Variants in ERICH2 observed in about 807,000 individuals in gnomAD.
ERICH2 encodes glutamate-rich protein 2.
ERICH2 carries 17 observed loss-of-function variants against 17.4 expected under a neutral mutation model. The ratio of observed to expected loss-of-function variants is 0.98; its 90% CI spans 0.67 to 1.47. The LOEUF is 1.47. Among genes scored for constraint, ERICH2 ranks in the 40% most tolerant of loss-of-function variants. ERICH2 has a pLI of 0.00. For missense variants in ERICH2, 186 were observed against 183.2 expected (o/e 1.01, Z -0.09); for synonymous variants, 51 against 61.1 (o/e 0.83, Z 0.77).
At chr2:170,789,166 T>C (rs1351417218) in intron 2 of ERICH2, among the ~76,000 whole-genome samples, 1 of 151,488 alleles carries the variant, frequency 6.6e-6, no homozygotes, top group East Asian at 1.9e-4. Context: ...GGTTTCACCA[T>C]GTTGGCCAGG....
intron 3 of ERICH2, among the ~76,000 whole-genome samples, chr2:170,797,670 C>T (rs907515519): frequency 2.0e-5 from 3 of 151,654 alleles, no homozygotes; most frequent in African/African-American, 7.3e-5. Flanking sequence ...TGGTGGCACA[C>T]ACCTGTAGCT....
chr2:170,772,227 TTTCTCCC>T, the ERICH2 span, among the ~76,000 whole-genome samples: 1 of 152,200 alleles, frequency 6.6e-6, no homozygotes, highest in Non-Finnish European at 1.5e-5. Flanking sequence ...TCCTCAGTGT[TTTCTCCC>T]TTCTTTGCCC....
chr2:170,785,215 T>C (rs1199092558), intron 2 of ERICH2, among the ~76,000 whole-genome samples: 1 of 152,136 alleles, frequency 6.6e-6, no homozygotes, highest in Non-Finnish European at 1.5e-5. Context: ...TATACAAGTA[T>C]CAAACATGTA....
chr2:170,794,777 A>G (rs945814685), intron 3 of ERICH2, among the ~76,000 whole-genome samples: 31 of 152,354 alleles, frequency 2.0e-4, no homozygotes, highest in South Asian at 1.5e-3. Flanking sequence ...ACAAGGATTG[A>G]GTGACGGTCT....
At chr2:170,797,987 G>T (rs1701470046) in intron 3 of ERICH2, 54 bp from the exon 9 acceptor site, 1 of 1,239,200 alleles carries the variant, frequency 8.1e-7, no homozygotes, top group African/African-American at 1.5e-5. Context: ...GAGCCTGTTT[G>T]CTGCAACACT....
intron 2 of ERICH2, among the ~76,000 whole-genome samples, chr2:170,787,988 G>A (rs1701195372): frequency 2.0e-5 from 3 of 152,148 alleles, no homozygotes; most frequent in South Asian, 2.1e-4. Context: ...CATCAGGGCC[G>A]AAAGCCTCAA....
At chr2:170,795,305 T>G (rs1158278737) in intron 3 of ERICH2, among the ~76,000 whole-genome samples, 2 of 151,978 alleles carry the variant, frequency 1.3e-5, no homozygotes, top group Non-Finnish European at 2.9e-5. Flanking sequence ...GGAATCCTGA[T>G]AGAATCATGT....
At chr2:170,797,000 G>A (rs547740719) in intron 3 of ERICH2, among the ~76,000 whole-genome samples, 1 of 152,204 alleles carries the variant, frequency 6.6e-6, no homozygotes, top group South Asian at 2.1e-4. Flanking sequence ...ATACTAACAA[G>A]CCTAAAAAAG....
In ERICH2 at chr2:170,796,428, G is replaced by GTTTTTTT. The variant is rs869301301; in HGVS notation, c.275-1608_275-1602dup. 1.1e-3 allele frequency among the ~76,000 whole-genome samples: 126 copies of GTTTTTTT among 114,462 alleles called. 7 individuals carry two copies. The highest frequency in any genetic ancestry group is 5.2e-3 in the Admixed American group (50 of 9,638). 75.1% of individuals were successfully genotyped at this position (114,462 alleles called of 152,430 possible). On this transcript the variant is annotated intron_variant, in intron 3 of 4. Transcript: ENST00000409885. ...AATGGTTATCTCTCTCTCTCTCTTT[G>GTTTTTTT]TTTTTTTTTTTGTTTTTTTTTTTTT... is the stretch of plus-strand genomic sequence containing the variant.
At chr2:170,786,724 A>G (rs1284468288) in intron 2 of ERICH2, among the ~76,000 whole-genome samples, 3 of 151,900 alleles carry the variant, frequency 2.0e-5, no homozygotes, top group South Asian at 2.1e-4. Flanking sequence ...ATCTATTGCT[A>G]TCTCTTCAGG....
chr2:170,784,733 C>A lies in ERICH2; in HGVS notation c.116C>A (p.Ser39Ter). The A allele has an allele frequency of 6.5e-7, 1 of 1,546,178 alleles. No individual in the cohort carries two copies. Among genetic ancestry groups the A allele is most frequent in the South Asian group, 1.2e-5 (1 of 83,218 alleles). The change falls in exon 2 of 5, where the codon TCA becomes TAA. Residue 39 changes from serine to a stop codon, truncating the protein, a stop_gained. Transcript: ENST00000409885. LOFTEE classifies it high-confidence loss of function. ...GATATTGATGATAAATTGTCAGAAT[C>A]AGCAGAGGATGATGGTGAAGATGAT...
the ERICH2 span, chr2:170,777,715 T>C: frequency 1.6e-5 from 19 of 1,218,410 alleles, no homozygotes; most frequent in Middle Eastern, 6.2e-4. Flanking sequence ...AGCTGATCTC[T>C]CCCATGCCTT....
chr2:170,774,170 C>A, the ERICH2 span, among the ~76,000 whole-genome samples: 1 of 152,180 alleles, frequency 6.6e-6, no homozygotes, highest in Non-Finnish European at 1.5e-5. Flanking sequence ...AGTCAGTGAT[C>A]TTTCTAAACA....
intron 3 of ERICH2, among the ~76,000 whole-genome samples, chr2:170,796,559 C>T (rs780103549): frequency 9.9e-5 from 15 of 151,806 alleles, no homozygotes; most frequent in Non-Finnish European, 1.5e-4. Context: ...CCTCGGCCTC[C>T]GAAGGAGCTG....
chr2:170,791,968 C>T (rs1460557766), intron 2 of ERICH2, among the ~76,000 whole-genome samples: 3 of 152,084 alleles, frequency 2.0e-5, no homozygotes, highest in Non-Finnish European at 4.4e-5. Context: ...CAGAATAAAA[C>T]TCATATACCT....
intron 3 of ERICH2, among the ~76,000 whole-genome samples, chr2:170,797,098 A>G (rs370646252): frequency 7.9e-4 from 121 of 152,334 alleles, no homozygotes; most frequent in African/African-American, 2.6e-3. Context: ...AATGGGTCCA[A>G]TGAAGGTGGA....
At position 170,795,287 on chromosome 2, in the gene ERICH2, A is replaced by G. The variant is rs993460484; in HGVS notation, c.274+2367A>G. Among the ~76,000 whole-genome samples the G allele has an allele frequency of 3.9e-5, 6 of 152,140 alleles. No individual in the cohort carries two copies. In the East Asian group the frequency reaches 9.6e-4, roughly 24 times the overall value. On this transcript the variant is annotated intron_variant, in intron 3 of 4. Transcript: ENST00000409885. ...GTCACTGCATCCAGCCAGAATTTCA[A>G]ATTAGAAGGAATCCTGATAGAATCA... is the stretch of plus-strand genomic sequence containing the variant.
At chr2:170,791,589 C>T (rs1461927785) in intron 2 of ERICH2, among the ~76,000 whole-genome samples, 3 of 150,990 alleles carry the variant, frequency 2.0e-5, no homozygotes, top group Non-Finnish European at 4.4e-5. Flanking sequence ...ACTACAGAGG[C>T]TGAGGCAGGA....
chr2:170,789,182 C>T (rs1276717244), intron 2 of ERICH2, among the ~76,000 whole-genome samples: 2 of 149,974 alleles, frequency 1.3e-5, no homozygotes, highest in African/African-American at 2.5e-5. Flanking sequence ...CCAGGCTGGT[C>T]TCGAACTCCT....
Sources: allele counts gnomAD v4.1 joint callset (sites outside exome capture counted in the v4.1 genomes callset), GRCh38; gene constraint gnomAD v4.1.1; transcripts MANE v1.5; gene names NCBI Gene and HGNC (gene_info 2026-07-23, HGNC 2026-07-21).